DYNLT2B: variants seen among roughly 807,000 people sequenced by gnomAD.
The protein encoded by DYNLT2B is dynein light chain Tctex-type protein 2B.
A neutral mutation model predicts 19.5 loss-of-function variants in DYNLT2B; 14 were observed. The ratio of observed to expected loss-of-function variants is 0.72; its 90% CI spans 0.47 to 1.12. DYNLT2B has a LOEUF of 1.12. Ranked by LOEUF, DYNLT2B falls within the 50% of genes most tolerant of loss-of-function variation. DYNLT2B has a pLI of 0.00. For synonymous variants in DYNLT2B, 70 were observed against 59.7 expected, an observed-to-expected ratio of 1.17 and a Z score of -0.79; for missense variants, 133 against 174.7, an observed-to-expected ratio of 0.76 and a Z score of 1.35.
At chr3:196,311,557 T>A (rs956647462) in intron 2 of DYNLT2B, among the ~76,000 whole-genome samples, 1 of 152,114 alleles carries the variant, frequency 6.6e-6, no homozygotes, top group East Asian at 1.9e-4. Context: ...AAATTTCCTT[T>A]ATATGGAAAG....
intron 2 of DYNLT2B, among the ~76,000 whole-genome samples, chr3:196,311,504 G>C (rs1197177500): frequency 6.6e-6 from 1 of 151,818 alleles, no homozygotes; most frequent in African/African-American, 2.4e-5. Flanking sequence ...CTGAAGAAAA[G>C]GAAGTAACGA....
At chr3:196,303,803 G>A (rs1253340683) in intron 3 of DYNLT2B, among the ~76,000 whole-genome samples, 2 of 152,160 alleles carry the variant, frequency 1.3e-5, no homozygotes, top group Non-Finnish European at 2.9e-5. Context: ...AGCTTTATTT[G>A]ATAACACTGT....
At chr3:196,295,183 A>ATG (rs34805282) in intron 4 of DYNLT2B, among the ~76,000 whole-genome samples, 31,154 of 145,244 alleles carry the variant, frequency 0.21, 3,570 homozygotes, top group African/African-American at 0.31. Flanking sequence ...AACCTCTTTT[A>ATG]TGTGTGTGTG....
intron 2 of DYNLT2B, among the ~76,000 whole-genome samples, chr3:196,314,228 G>A (rs1055907683): frequency 2.6e-5 from 4 of 151,824 alleles, no homozygotes; most frequent in Non-Finnish European, 5.9e-5. Flanking sequence ...GAAATAGGCC[G>A]GGCACGGTGG....
intron 3 of DYNLT2B, among the ~76,000 whole-genome samples, chr3:196,300,556 C>T (rs1171473529): frequency 6.6e-6 from 1 of 151,846 alleles, no homozygotes; most frequent in Admixed American, 6.6e-5. Flanking sequence ...ATGGTGAAAC[C>T]CCATCTCTAC....
At chr3:196,300,747 A>T (rs1413525697) in intron 3 of DYNLT2B, among the ~76,000 whole-genome samples, 1 of 147,758 alleles carries the variant, frequency 6.8e-6, no homozygotes, top group Non-Finnish European at 1.5e-5. Context: ...AAAAAAAAAA[A>T]AAAAATAGAA....
intron 2 of DYNLT2B, among the ~76,000 whole-genome samples, chr3:196,309,860 A>C (rs1273097803): frequency 1.3e-5 from 2 of 151,498 alleles, no homozygotes; most frequent in Admixed American, 6.6e-5. Flanking sequence ...GAGCAGGAGA[A>C]TCGCTTGAAC....
intron 2 of DYNLT2B, 118 bp downstream of exon 2, chr3:196,315,980 T>C (rs1726779653): frequency 7.2e-6 from 8 of 1,107,580 alleles, no homozygotes; most frequent in Middle Eastern, 3.0e-4. Context: ...GTTGGGATTG[T>C]AGGCGTGAGC....
chr3:196,291,479 ATTTT>A, intron 4 of DYNLT2B, 105 bp from the exon 5 acceptor site: 2 of 1,179,522 alleles, frequency 1.7e-6, no homozygotes, highest in East Asian at 5.6e-5. Context: ...GATCTTTCCA[ATTTT>A]TTTTTTCTTT....
In DYNLT2B at chr3:196,317,056, GT is replaced by G. The variant is rs1447072616; in HGVS notation, c.114-826del. Among the ~76,000 whole-genome samples the G allele has an allele frequency of 3.4e-4, 31 of 92,028 alleles. 2 individuals carry two copies. In the South Asian group the frequency reaches 0.011, roughly 33 times the overall value. 60.4% of individuals were successfully genotyped at this position (92,028 alleles called of 152,430 possible). On this transcript the variant is annotated intron_variant, in intron 1 of 4. Transcript: ENST00000325318. ...TGTGTGTGTGTGTGTTGTGTGGTGT[GT>G]GTGTGGTGTGTGTGTGTGTGTGTGT... is the stretch of plus-strand genomic sequence containing the variant.
chr3:196,313,274 T>C (rs926861071), intron 2 of DYNLT2B, among the ~76,000 whole-genome samples: 2 of 151,786 alleles, frequency 1.3e-5, no homozygotes, highest in African/African-American at 4.8e-5. Flanking sequence ...CTTGGCTCAC[T>C]GCAATCTCCG....
At chr3:196,317,014 TTTTTTCAGTGTGTGTGTG>T (rs1726838734) in intron 1 of DYNLT2B, among the ~76,000 whole-genome samples, 1 of 98,230 alleles carries the variant, frequency 1.0e-5, no homozygotes, top group African/African-American at 3.6e-5. Flanking sequence ...AGCCTGACAT[TTTTTTCAGTGTGTGTGTG>T]TGTGTGTGTG....
At position 196,293,002 on chromosome 3, in the gene DYNLT2B, C is replaced by T. The variant is rs181485388; in HGVS notation, c.382-1628G>A. ...CCAAGTAGCTGGGACTACAGGCGCC[C>T]GCCACCTTGCCCGGCTAGTTTTTGT... On this transcript the variant is annotated intron_variant, in intron 4 of 4. Transcript: ENST00000325318. Among the ~76,000 whole-genome samples the T allele has an allele frequency of 8.6e-4, 131 of 152,250 alleles. 1 individual carries two copies. In the East Asian group the frequency reaches 0.022, roughly 26 times the overall value.
chr3:196,316,890 A>AGTGTGTGTGTGTGTGTGTGT (rs377469506), intron 1 of DYNLT2B, among the ~76,000 whole-genome samples: 1 of 74,198 alleles, frequency 1.3e-5, no homozygotes, highest in African/African-American at 5.3e-5. Context: ...CATTTTTTTC[A>AGTGTGTGTGTGTGTGTGTGT]GTGTGTGTGT....
rs1474862153 is a variant in DYNLT2B at position 196,317,061 on chromosome 3, TG to T, written c.114-831del. Among the ~76,000 whole-genome samples the T allele has an allele frequency of 6.0e-4, 43 of 72,066 alleles. 3 individuals carry two copies. In the East Asian group the frequency reaches 0.017, roughly 28 times the overall value. 47.3% of individuals were successfully genotyped at this position (72,066 alleles called of 152,430 possible). A position where few individuals can be genotyped will look rare whatever the true frequency, so the allele number is the denominator to read the frequency against. ...GTGTGTGTGTTGTGTGGTGTGTGTG[TG>T]GTGTGTGTGTGTGTGTGTGTGTGTG... On this transcript the variant is annotated intron_variant, in intron 1 of 4. Coordinates refer to ENST00000325318, the MANE Select transcript of DYNLT2B (RefSeq NM_152773.5).
At position 196,297,067 on chromosome 3, in the gene DYNLT2B, C is replaced by T. The variant is rs1027641584; in HGVS notation, c.318-998G>A. Among the ~76,000 whole-genome samples the T allele has an allele frequency of 2.0e-5, 3 of 151,644 alleles. No individual in the cohort carries two copies. The South Asian group carries it at 6.3e-4, about 32-fold the overall frequency. The stretch of plus-strand genomic sequence containing the variant: ...AATTAGCCAGGCGTGGCGGCAGGCA[C>T]CAGTAGTCCCAGCTACTCAGGAGGC... On this transcript the variant is annotated intron_variant, in intron 3 of 4. Transcript: ENST00000325318.
chr3:196,313,321 C>T (rs368210651), intron 2 of DYNLT2B, among the ~76,000 whole-genome samples: 8 of 151,870 alleles, frequency 5.3e-5, no homozygotes, highest in African/African-American at 1.5e-4. Flanking sequence ...CTCAGCCACC[C>T]GAATAGCTGG....
chr3:196,310,522 G>A (rs1685975030), intron 2 of DYNLT2B, among the ~76,000 whole-genome samples: 1 of 151,996 alleles, frequency 6.6e-6, no homozygotes, highest in African/African-American at 2.4e-5. Context: ...TCCACCTCCT[G>A]GGTTCAAGCG....
chr3:196,309,935 C>T (rs1212722978), intron 2 of DYNLT2B, among the ~76,000 whole-genome samples: 9 of 139,666 alleles, frequency 6.4e-5, no homozygotes, highest in Admixed American at 5.3e-4. Context: ...GCAACAAGAC[C>T]GAAACTCAGT....
Sources: gnomAD v4.1 joint callset for allele counts (sites outside exome capture counted in the v4.1 genomes callset) on GRCh38, gnomAD v4.1.1 for gene constraint, MANE v1.5 for transcripts, NCBI Gene and HGNC (gene_info 2026-07-23, HGNC 2026-07-21) for gene names.